Variants in R3HCC1L observed in about 807,000 individuals in gnomAD.
R3HCC1L encodes R3H domain and coiled-coil containing 1 like.
A neutral mutation model predicts 59.9 loss-of-function variants in R3HCC1L; 51 were observed. That is an observed-to-expected ratio of 0.85 (90% CI 0.68 to 1.07). The LOEUF (loss-of-function observed/expected upper bound fraction) is 1.07. Ranked by LOEUF, R3HCC1L falls within the 50% of genes least tolerant of loss-of-function variation. The probability of loss-of-function intolerance (pLI) is 0.00; values close to 1 mark genes in which losing one functional copy is unlikely to be tolerated. For missense variants in R3HCC1L, 965 were observed against 933.0 expected, an observed-to-expected ratio of 1.03 and a Z score of -0.45; for synonymous variants, 322 against 315.2, an observed-to-expected ratio of 1.02 and a Z score of -0.23.
chr10:98,211,844 T>C (rs1048993651), intron 5 of R3HCC1L, among the ~76,000 whole-genome samples: 3 of 152,230 alleles, frequency 2.0e-5, no homozygotes, highest in African/African-American at 4.8e-5. Flanking sequence ...AGTTCAGGTG[T>C]ACAACTCAGT....
At chr10:98,204,533 C>T (rs565950389) in intron 4 of R3HCC1L, among the ~76,000 whole-genome samples, 28 of 152,240 alleles carry the variant, frequency 1.8e-4, no homozygotes, top group African/African-American at 5.5e-4. Context: ...ATGTGAAAAG[C>T]GTTTCTTGCC....
chr10:98,135,137 GCCCGGGAGCC>G (rs1481828601), intron 1 of R3HCC1L, among the ~76,000 whole-genome samples: 2 of 152,230 alleles, frequency 1.3e-5, no homozygotes, highest in Non-Finnish European at 2.9e-5. Context: ...CTCCTCCGCT[GCCCGGGAGCC>G]CCGGGCTACG....
chr10:98,208,550 G>A lies in R3HCC1L; in HGVS notation c.436G>A (p.Glu146Lys), dbSNP rs144192127. The A allele has an allele frequency of 3.3e-4, 537 of 1,614,134 alleles. 8 individuals carry two copies. In the East Asian group the frequency reaches 0.012, roughly 36 times the overall value. ...GAGACATTTTAAACCAAAGAAGGTG[G>A]AGTGTTTGGAAGTTGAAACTACGGA... The part of the protein sequence containing the change: ...LQRHFKPKKV[E>K]CLEVETTDVT... The change falls in exon 5 of 10, where the codon GAG (glutamate) becomes AAG (lysine). Residue 146 changes from glutamate to lysine, a missense_variant. Physicochemically the swap from Glu to Lys is moderately conservative, Grantham distance 56. Transcript: ENST00000298999.
intron 5 of R3HCC1L, among the ~76,000 whole-genome samples, chr10:98,213,144 A>G (rs1383380596): frequency 6.6e-6 from 1 of 152,194 alleles, no homozygotes; most frequent in East Asian, 1.9e-4. Flanking sequence ...CTAAAAGCAA[A>G]TTATGTAACA....
rs1564699376 is a variant in R3HCC1L at position 98,209,192 on chromosome 10, CAT to C, written c.1080_1081del (p.His360GlnfsTer3). ...PDTAVLAHET[H>X]RDSGFKNVGD... ...TACAGCTGTCCTTGCTCATGAAACACATAGAGATAGTGGATTTAAGAATGTAG... is the reference window on the plus strand; with the variant it reads ...TACAGCTGTCCTTGCTCATGAAACACAGAGATAGTGGATTTAAGAATGTAG... On this transcript the variant is annotated frameshift_variant, in exon 5 of 10. Coordinates refer to ENST00000298999, the MANE Select transcript of R3HCC1L (RefSeq NM_001351015.2). LOFTEE classifies it high-confidence loss of function. 6.2e-6 allele frequency: 10 copies of C among 1,613,746 alleles called. No individual in the cohort carries two copies. The highest frequency in any genetic ancestry group is 1.7e-4 in the Middle Eastern group (1 of 6,058).
chr10:98,225,087 TGTG>T (rs1423835977), intron 5 of R3HCC1L, among the ~76,000 whole-genome samples: 1 of 152,256 alleles, frequency 6.6e-6, no homozygotes, highest in Non-Finnish European at 1.5e-5. Flanking sequence ...TCTTGAAATC[TGTG>T]GGATATTTTA....
At chr10:98,207,151 T>C (rs1327639179) in intron 4 of R3HCC1L, among the ~76,000 whole-genome samples, 3 of 152,190 alleles carry the variant, frequency 2.0e-5, no homozygotes, top group African/African-American at 4.8e-5. Context: ...ATGTTAACAG[T>C]GTGTGCATCT....
chr10:98,222,313 T>G (rs997452961), intron 5 of R3HCC1L, among the ~76,000 whole-genome samples: 3 of 152,136 alleles, frequency 2.0e-5, no homozygotes, highest in African/African-American at 7.2e-5. Flanking sequence ...TATACAATCA[T>G]GTCATCTGCA....
intron 9 of R3HCC1L, among the ~76,000 whole-genome samples, chr10:98,238,495 G>T (rs1857190879): frequency 6.6e-6 from 1 of 152,156 alleles, no homozygotes; most frequent in Non-Finnish European, 1.5e-5. Context: ...TTGATTAAAA[G>T]GACAGGAAGG....
chr10:98,229,433 T>G (rs1006890574), intron 5 of R3HCC1L, among the ~76,000 whole-genome samples: 2 of 152,228 alleles, frequency 1.3e-5, no homozygotes, highest in African/African-American at 4.8e-5. Context: ...ATTGATTTTG[T>G]ATCCTGAGAT....
intron 1 of R3HCC1L, among the ~76,000 whole-genome samples, chr10:98,136,761 C>A (rs1361517936): frequency 6.6e-6 from 1 of 152,114 alleles, no homozygotes; most frequent in Non-Finnish European, 1.5e-5. Context: ...CGCTTGAGTC[C>A]TGGAGGTGGA....
At position 98,156,164 on chromosome 10, in the gene R3HCC1L, T is replaced by C. The variant is rs1432030932; in HGVS notation, c.-213+17T>C. 2 of 152,154 alleles carry C rather than the reference T, an allele frequency of 1.3e-5. No individual in the cohort carries two copies. Among genetic ancestry groups the C allele is most frequent in the South Asian group, 2.1e-4 (1 of 4,830 alleles). The allele number at this position is 152,154 out of a possible 1,614,324, so 9.4% of individuals were successfully genotyped here. On this transcript the variant is annotated intron_variant, in intron 2 of 9. Coordinates refer to ENST00000298999, the MANE Select transcript of R3HCC1L (RefSeq NM_001351015.2). ...GTTTTCCTGGTATGATTTCCACTTGTTGTTATCCTTAGATTTTTCTCTCCT... is the reference window on the plus strand; with the variant it reads ...GTTTTCCTGGTATGATTTCCACTTGCTGTTATCCTTAGATTTTTCTCTCCT...
intron 5 of R3HCC1L, among the ~76,000 whole-genome samples, chr10:98,230,569 T>C (rs1856254349): frequency 6.6e-6 from 1 of 152,222 alleles, no homozygotes; most frequent in Admixed American, 6.5e-5. Context: ...TTTGTGTCTC[T>C]GTCTCCTTCA....
chr10:98,230,874 A>T (rs1337788972), intron 5 of R3HCC1L, among the ~76,000 whole-genome samples: 1 of 152,032 alleles, frequency 6.6e-6, no homozygotes, highest in Non-Finnish European at 1.5e-5. Flanking sequence ...TAGAATTTTA[A>T]TTTGTTACCT....
At chr10:98,239,785 C>A (rs763284501) in intron 9 of R3HCC1L, among the ~76,000 whole-genome samples, 1 of 152,152 alleles carries the variant, frequency 6.6e-6, no homozygotes, top group Admixed American at 6.6e-5. Flanking sequence ...GCAGCCTCAA[C>A]GTCCCAGGCA....
intron 4 of R3HCC1L, among the ~76,000 whole-genome samples, chr10:98,200,786 C>G (rs1204228694): frequency 6.6e-6 from 1 of 152,038 alleles, no homozygotes; most frequent in Non-Finnish European, 1.5e-5. Context: ...GGCAGATTTT[C>G]TAGAAGAAGA....
chr10:98,149,818 G>A (rs1368205290), intron 1 of R3HCC1L, among the ~76,000 whole-genome samples: 1 of 152,214 alleles, frequency 6.6e-6, no homozygotes, highest in Non-Finnish European at 1.5e-5. Flanking sequence ...TTCTAGAAAT[G>A]TCAGGCTGAT....
rs753980557 is a variant in R3HCC1L, at chr10:98,231,619, C to T, written c.1893C>T (p.Val631=). 6.2e-7 allele frequency: 1 copy of T among 1,612,602 alleles called. No homozygotes were observed. Among genetic ancestry groups the T allele is most frequent in the Non-Finnish European group, 8.5e-7 (1 of 1,178,864 alleles). The change falls in exon 6 of 10, where the codon GTC becomes GTT. Residue 631 remains valine, a synonymous_variant. Transcript: ENST00000298999. The stretch of plus-strand genomic sequence containing the variant: ...TCAGTGATTGTGAATTCCCACATGT[C>T]ATTGAAATTTATGACTTTCCCCAAG... The part of the protein sequence containing the change: ...IDLSDCEFPH[V]IEIYDFPQEF...
intron 5 of R3HCC1L, among the ~76,000 whole-genome samples, chr10:98,218,973 A>G (rs1854550342): frequency 6.6e-6 from 1 of 151,980 alleles, no homozygotes; most frequent in Admixed American, 6.6e-5. Context: ...GTGTAGTGGC[A>G]TGGTCTCAGC....
Sources: allele counts gnomAD v4.1 joint callset (sites outside exome capture counted in the v4.1 genomes callset), GRCh38; gene constraint gnomAD v4.1.1; transcripts MANE v1.5; gene names NCBI Gene and HGNC (gene_info 2026-07-23, HGNC 2026-07-21).